The following GNG4 variants were observed in gnomAD, a reference collection of about 807,000 sequenced individuals.
The protein encoded by GNG4 is G protein subunit gamma 4.
Under a neutral mutation model 5.8 loss-of-function variants are expected in GNG4, and 4 were observed. The observed-to-expected ratio is 0.69, with a 90% CI of 0.34 to 1.57. GNG4 has a LOEUF of 1.57. Among genes scored for constraint, GNG4 ranks in the 40% most tolerant of loss-of-function variants. The probability of loss-of-function intolerance (pLI) is 0.06; values close to 1 mark genes in which losing one functional copy is unlikely to be tolerated. For synonymous variants in GNG4, 29 were observed against 32.9 expected, an observed-to-expected ratio of 0.88 and a Z score of 0.41; for missense variants, 96 against 95.1, an observed-to-expected ratio of 1.01 and a Z score of -0.04.
Position 235,628,420 on chromosome 1 carries a change from G to GC in GNG4, c.-123+21241_-123+21242insG, listed in dbSNP as rs576836515. Among the ~76,000 whole-genome samples, 549 of 150,468 alleles carry GC rather than the reference G, an allele frequency of 3.6e-3. 5 individuals are homozygous for GC. The highest frequency in any genetic ancestry group is 0.012 in the African/African-American group (487 of 39,902). On this transcript the variant is annotated intron_variant, in intron 1 of 3. Coordinates refer to ENST00000391854, the MANE Select transcript of GNG4 (RefSeq NM_001098722.2). The stretch of plus-strand genomic sequence containing the variant: ...CCACAAAGCCTTGTTAGGAGACGGG[G>GC]GGGGGTTACAAGACCCTAGAACAAA...
intron 1 of GNG4, among the ~76,000 whole-genome samples, chr1:235,613,537 C>CAGAG (rs199823361): frequency 6.6e-6 from 1 of 151,940 alleles, no homozygotes; most frequent in African/African-American, 2.4e-5. Context: ...CGGTGTCAGT[C>CAGAG]AGAGAGAGAG....
chr1:235,569,855 T>C (rs2841886), intron 3 of GNG4, among the ~76,000 whole-genome samples: 112,471 of 151,698 alleles, frequency 0.74, 43,047 homozygotes, highest in African/African-American at 0.93. Context: ...TGCGAGCCAC[T>C]GCGCCTGGCC....
intron 1 of GNG4, among the ~76,000 whole-genome samples, chr1:235,637,380 C>G (rs1025789963): frequency 1.3e-5 from 2 of 152,102 alleles, no homozygotes; most frequent in African/African-American, 2.4e-5. Context: ...AGGCTGGGCG[C>G]GGTGGCTCAC....
chr1:235,569,535 T>A (rs943408121), intron 3 of GNG4, among the ~76,000 whole-genome samples: 1 of 151,960 alleles, frequency 6.6e-6, no homozygotes, highest in African/African-American at 2.4e-5. Context: ...ATTCTTTTTT[T>A]TTTGTTGTTT....
chr1:235,603,661 G>T (rs529686179), intron 1 of GNG4, among the ~76,000 whole-genome samples: 22 of 152,312 alleles, frequency 1.4e-4, no homozygotes, highest in African/African-American at 4.3e-4. Context: ...TTGAGTGCCC[G>T]ATAGCATCCA....
intron 1 of GNG4, among the ~76,000 whole-genome samples, chr1:235,600,456 AAG>A (rs1688235907): frequency 6.9e-6 from 1 of 144,526 alleles, no homozygotes; most frequent in Non-Finnish European, 1.5e-5. Context: ...GTGTGTGTGT[AAG>A]AGAGAGGGTC....
intron 1 of GNG4, among the ~76,000 whole-genome samples, chr1:235,601,233 A>G (rs964716054): frequency 8.5e-5 from 13 of 152,190 alleles, no homozygotes; most frequent in Non-Finnish European, 2.9e-5. Context: ...ATTCCAAGCA[A>G]TGGATGAAAG....
At chr1:235,568,878 G>C (rs892564463) in intron 3 of GNG4, among the ~76,000 whole-genome samples, 1 of 150,600 alleles carries the variant, frequency 6.6e-6, no homozygotes, top group African/African-American at 2.4e-5. Flanking sequence ...CCAGGCTGGA[G>C]TGCAGTGGTG....
At chr1:235,634,241 A>G (rs1688986446) in intron 1 of GNG4, among the ~76,000 whole-genome samples, 1 of 152,202 alleles carries the variant, frequency 6.6e-6, no homozygotes, top group African/African-American at 2.4e-5. Context: ...CGGGCAGTAA[A>G]AAGAATTTGC....
At chr1:235,585,347 C>T (rs1292639052) in intron 2 of GNG4, among the ~76,000 whole-genome samples, 1 of 152,182 alleles carries the variant, frequency 6.6e-6, no homozygotes, top group African/African-American at 2.4e-5. Flanking sequence ...TCAAGCGATC[C>T]TCCTGCCTCA....
intron 1 of GNG4, among the ~76,000 whole-genome samples, chr1:235,626,628 C>A (rs1365654100): frequency 6.6e-6 from 1 of 152,176 alleles, no homozygotes; most frequent in African/African-American, 2.4e-5. Flanking sequence ...CTGATAGGAC[C>A]TTTTCCGTGA....
intron 1 of GNG4, among the ~76,000 whole-genome samples, chr1:235,634,731 T>C (rs1172517753): frequency 1.3e-5 from 2 of 151,728 alleles, no homozygotes; most frequent in Non-Finnish European, 1.5e-5. Context: ...TCACCTGAGG[T>C]TGGGAGTTTG....
intron 3 of GNG4, among the ~76,000 whole-genome samples, chr1:235,557,779 G>A (rs775660685): frequency 7.2e-5 from 11 of 152,076 alleles, no homozygotes; most frequent in Non-Finnish European, 1.0e-4. Context: ...AAAAAATGTC[G>A]GGGCTTCGGG....
intron 1 of GNG4, among the ~76,000 whole-genome samples, chr1:235,617,454 G>A (rs1688615340): frequency 6.6e-6 from 1 of 152,148 alleles, no homozygotes; most frequent in Non-Finnish European, 1.5e-5. Context: ...GGCTGTCCAG[G>A]TGAGCTAATG....
In GNG4 at chr1:235,642,384, G is replaced by C. The variant is rs781431889; in HGVS notation, c.-123+7278C>G. On this transcript the variant is annotated intron_variant, in intron 1 of 3. Coordinates refer to ENST00000391854, the MANE Select transcript of GNG4 (RefSeq NM_001098722.2). This position sits in a 1 kb window ranked among gnomAD's most constrained non-coding sequence, Gnocchi z 4.3. ...GAACAGAAACTCCCTCTCGAATAGA[G>C]ACCCACGCACGGAAGGATGATACAC... Among the ~76,000 whole-genome samples, 1 of 152,202 alleles carries C rather than the reference G, an allele frequency of 6.6e-6. No homozygotes were observed. Among genetic ancestry groups the C allele is most frequent in the Non-Finnish European group, 1.5e-5 (1 of 68,036 alleles).
chr1:235,632,038 C>T (rs1688941635), intron 1 of GNG4, among the ~76,000 whole-genome samples: 4 of 152,212 alleles, frequency 2.6e-5, no homozygotes, highest in African/African-American at 7.2e-5. Flanking sequence ...TGCTGCTTCC[C>T]AGCTGAACAG....
At chr1:235,556,279 C>T (rs1686903776) in intron 3 of GNG4, among the ~76,000 whole-genome samples, 1 of 151,808 alleles carries the variant, frequency 6.6e-6, no homozygotes, top group Non-Finnish European at 1.5e-5. Flanking sequence ...GAAACCAGGG[C>T]CGGGCACGGT....
At chr1:235,567,301 GTGTATTTCTA>G (rs1687223123) in intron 3 of GNG4, among the ~76,000 whole-genome samples, 2 of 152,058 alleles carry the variant, frequency 1.3e-5, no homozygotes, top group African/African-American at 2.4e-5. Context: ...ACACATATAT[GTGTATTTCTA>G]TAAAACATAC....
chr1:235,577,576 G>A (rs921414202), intron 3 of GNG4, among the ~76,000 whole-genome samples: 2 of 152,066 alleles, frequency 1.3e-5, no homozygotes, highest in Admixed American at 6.6e-5. Flanking sequence ...AAGTAGCTGC[G>A]GCTACAGGCA....
Sources: allele counts gnomAD v4.1 joint callset (sites outside exome capture counted in the v4.1 genomes callset), GRCh38; gene constraint gnomAD v4.1.1; non-coding constraint Gnocchi (gnomAD v3.1); transcripts MANE v1.5; gene names NCBI Gene and HGNC (gene_info 2026-07-23, HGNC 2026-07-21).